The following IGSF10 variants were observed in gnomAD, a reference collection of about 807,000 sequenced individuals.
IGSF10 encodes the protein immunoglobulin superfamily member 10.
In IGSF10, 126 loss-of-function variants were observed where a neutral mutation model predicts 128.2. The ratio of observed to expected loss-of-function variants is 0.98; its 90% CI spans 0.85 to 1.14. The LOEUF (loss-of-function observed/expected upper bound fraction) is 1.14. Ranked by LOEUF, IGSF10 falls within the 50% of genes most tolerant of loss-of-function variation. The pLI is 0.00. For missense variants in IGSF10, 3,295 were observed against 3,149.8 expected, an observed-to-expected ratio of 1.05 and a Z score of -1.10; for synonymous variants, 1,185 against 1,146.2, an observed-to-expected ratio of 1.03 and a Z score of -0.68.
downstream of IGSF10, chr3:151,435,724 A>AAATT (rs888494619): frequency 1.3e-5 from 2 of 152,204 alleles, no homozygotes; most frequent in Non-Finnish European, 2.9e-5. Context: ...AATATTCCCC[A>AAATT]AATTAATTCA....
chr3:151,598,772 G>A, the IGSF10 span, among the ~76,000 whole-genome samples: 2 of 152,076 alleles, frequency 1.3e-5, no homozygotes, highest in South Asian at 2.1e-4. Flanking sequence ...CCACAGATAC[G>A]GAGTGCCAAC....
At chr3:151,454,491 C>T (rs1214263118) in intron 4 of IGSF10, among the ~76,000 whole-genome samples, 1 of 151,976 alleles carries the variant, frequency 6.6e-6, no homozygotes, top group East Asian at 1.9e-4. Flanking sequence ...GGTGAGACAT[C>T]TGCTATGAGT....
At chr3:151,607,912 G>GAAAAA in the IGSF10 span, among the ~76,000 whole-genome samples, 327 of 41,894 alleles carry the variant, frequency 7.8e-3, 1 homozygote, top group Non-Finnish European at 9.7e-3. Context: ...CTCCATCTCG[G>GAAAAA]AAAAAAAAAA....
chr3:151,495,189 G>T, the IGSF10 span, among the ~76,000 whole-genome samples: 1 of 151,934 alleles, frequency 6.6e-6, no homozygotes, highest in African/African-American at 2.4e-5. Context: ...TTTTTCTCTG[G>T]GCATTAACTG....
At position 151,436,642 on chromosome 3, in the gene IGSF10, C is replaced by T. The variant is rs1577654736; in HGVS notation, c.*47G>A. On this transcript the variant is annotated 3_prime_UTR_variant, in exon 8 of 8. Coordinates refer to ENST00000282466, the MANE Select transcript of IGSF10 (RefSeq NM_178822.5). ...ATGGCTGCCTTTGATTAAACTTCTTCCAAAAAATAAATTCTGCCCAGATGT... is the reference window on the plus strand; with the variant it reads ...ATGGCTGCCTTTGATTAAACTTCTTTCAAAAAATAAATTCTGCCCAGATGT... 7.3e-7 allele frequency: 1 copy of T among 1,376,302 alleles called. No individual in the cohort carries two copies. The highest frequency in any genetic ancestry group is 1.0e-6 in the Non-Finnish European group (1 of 1,004,094). The allele number at this position is 1,376,302 out of a possible 1,614,324, so 85.3% of individuals were successfully genotyped here. A position where few individuals can be genotyped will look rare whatever the true frequency, so the allele number is the denominator to read the frequency against.
At chr3:151,466,358 G>A in the IGSF10 span, among the ~76,000 whole-genome samples, 1 of 152,092 alleles carries the variant, frequency 6.6e-6, no homozygotes, top group Non-Finnish European at 1.5e-5. Flanking sequence ...GGGTCTCTGA[G>A]TTTACTTGAG....
the IGSF10 span, among the ~76,000 whole-genome samples, chr3:151,608,722 A>C: frequency 6.6e-6 from 1 of 152,178 alleles, no homozygotes; most frequent in Non-Finnish European, 1.5e-5. Flanking sequence ...ACAGCAGTGA[A>C]TAAGGAGAAT....
chr3:151,510,075 C>T, the IGSF10 span, among the ~76,000 whole-genome samples: 1 of 152,220 alleles, frequency 6.6e-6, no homozygotes, highest in Non-Finnish European at 1.5e-5. Flanking sequence ...CAAAAGACAG[C>T]AATAACCTCT....
At chr3:151,503,036 A>C in the IGSF10 span, among the ~76,000 whole-genome samples, 1 of 152,140 alleles carries the variant, frequency 6.6e-6, no homozygotes, top group Admixed American at 6.6e-5. Context: ...AGTAAATCAG[A>C]AATAAAACAG....
the IGSF10 span, among the ~76,000 whole-genome samples, chr3:151,538,752 A>G: frequency 6.6e-6 from 1 of 152,206 alleles, no homozygotes; most frequent in South Asian, 2.1e-4. Flanking sequence ...AGTGTCTGGC[A>G]TGTAGTAGTC....
the IGSF10 span, among the ~76,000 whole-genome samples, chr3:151,593,681 AAAAT>A: frequency 6.6e-6 from 1 of 152,128 alleles, no homozygotes; most frequent in Non-Finnish European, 1.5e-5. Context: ...GACAAAGAAA[AAAAT>A]AGCAAAAGTA....
At chr3:151,530,031 T>C in the IGSF10 span, among the ~76,000 whole-genome samples, 1 of 151,698 alleles carries the variant, frequency 6.6e-6, no homozygotes, top group Non-Finnish European at 1.5e-5. Context: ...CTGATGGAGC[T>C]GAAAAACACA....
chr3:151,588,654 G>T, the IGSF10 span, among the ~76,000 whole-genome samples: 1 of 152,290 alleles, frequency 6.6e-6, no homozygotes, highest in South Asian at 2.1e-4. Flanking sequence ...CTTTGCATTT[G>T]GTAAATATTA....
downstream of IGSF10, chr3:151,435,079 T>TTTTTTTTTC (rs1560163612): frequency 6.7e-6 from 1 of 148,480 alleles, no homozygotes; most frequent in African/African-American, 2.5e-5. Flanking sequence ...TTTTTTTTTT[T>TTTTTTTTTC]TTTCTTTTCT....
chr3:151,461,667 C>A (rs112124158), upstream of IGSF10, among the ~76,000 whole-genome samples: 12 of 152,196 alleles, frequency 7.9e-5, no homozygotes, highest in African/African-American at 2.9e-4. Context: ...AACTATAGTC[C>A]TCTTGCACAT....
Position 151,445,426 on chromosome 3 carries a change from C to A in IGSF10, c.4555G>T (p.Val1519Leu). The change falls in exon 6 of 8, where the codon GTA (valine) becomes TTA (leucine). Residue 1519 changes from valine (V) to leucine (L), a missense_variant. Val to Leu is a conservative substitution (Grantham distance 32). Transcript: ENST00000282466. ...SRHNAKPQQL[V>L]AEVATSPKVH... ...TTGGGGGATGTTGCAACCTCTGCTA[C>A]TAATTGCTGTGGTTTAGCATTGTGC... 6.2e-7 allele frequency: 1 copy of A among 1,614,226 alleles called. No individual in the cohort carries two copies. Among genetic ancestry groups the A allele is most frequent in the Non-Finnish European group, 8.5e-7 (1 of 1,180,038 alleles).
chr3:151,531,192 G>C, the IGSF10 span, among the ~76,000 whole-genome samples: 2 of 152,282 alleles, frequency 1.3e-5, no homozygotes, highest in Non-Finnish European at 2.9e-5. Flanking sequence ...CATAAAGCAA[G>C]TTCTGAGAGA....
the IGSF10 span, among the ~76,000 whole-genome samples, chr3:151,607,828 G>T: frequency 6.8e-6 from 1 of 147,118 alleles, no homozygotes; most frequent in Non-Finnish European, 1.5e-5. Flanking sequence ...GGAGAATGGA[G>T]TGAACCTGGG....
the IGSF10 span, among the ~76,000 whole-genome samples, chr3:151,600,400 G>A: frequency 3.3e-5 from 5 of 152,154 alleles, no homozygotes; most frequent in South Asian, 4.2e-4. Context: ...ATGTCTACAC[G>A]TATTATTTTT....
Sources: gnomAD v4.1 joint callset for allele counts (sites outside exome capture counted in the v4.1 genomes callset) on GRCh38, gnomAD v4.1.1 for gene constraint, MANE v1.5 for transcripts, NCBI Gene and HGNC (gene_info 2026-07-23, HGNC 2026-07-21) for gene names.